The following EMSY variants were observed in gnomAD, a reference collection of about 807,000 sequenced individuals.
EMSY encodes BRCA2-interacting transcriptional repressor EMSY.
A neutral mutation model predicts 134.6 loss-of-function variants in EMSY; 26 were observed. That is an observed-to-expected ratio of 0.19 (90% CI 0.14 to 0.27). The LOEUF (loss-of-function observed/expected upper bound fraction) is 0.27, where lower values mean the gene tolerates loss of function less well. Ranked by LOEUF, EMSY falls within the 10% of genes least tolerant of loss-of-function variation. EMSY has a pLI of 1.00. For missense variants in EMSY, 1,305 were observed against 1,611.4 expected, an observed-to-expected ratio of 0.81 and a Z score of 3.26; for synonymous variants, 579 against 577.8, an observed-to-expected ratio of 1.00 and a Z score of -0.03.
intron 6 of EMSY, among the ~76,000 whole-genome samples, 192 bp from the exon 8 acceptor site, chr11:76,463,629 C>CA (rs567081751): frequency 0.18 from 17,186 of 94,284 alleles, 1,890 homozygotes; most frequent in African/African-American, 0.33. Context: ...GACTCCGTCT[C>CA]AAAAAAAAAA....
exon 21 of EMSY, chr11:76,550,953 C>T (rs878972173): frequency 4.6e-5 from 7 of 152,672 alleles, no homozygotes; most frequent in East Asian, 1.9e-4. Context: ...TGTTTCATTG[C>T]GAAGCAGAGG....
At chr11:76,530,347 G>T (rs368596568) in intron 14 of EMSY, among the ~76,000 whole-genome samples, 4 of 151,876 alleles carry the variant, frequency 2.6e-5, no homozygotes, top group African/African-American at 9.7e-5. Flanking sequence ...TTTTAGTAGC[G>T]ACGGGGTTTC....
intron 17 of EMSY, among the ~76,000 whole-genome samples, chr11:76,541,899 G>A (rs1280298843): frequency 6.6e-6 from 1 of 152,172 alleles, no homozygotes. Context: ...GCTCATGGGA[G>A]GATGCAACTT....
At chr11:76,484,506 A>G (rs1949103719) in intron 8 of EMSY, among the ~76,000 whole-genome samples, 1 of 152,256 alleles carries the variant, frequency 6.6e-6, no homozygotes, top group Non-Finnish European at 1.5e-5. Context: ...ACTGCTAGCC[A>G]GTCTAATAAA....
exon 2 of EMSY, chr11:76,446,978 G>A (rs2134678437): frequency 1.9e-6 from 3 of 1,613,618 alleles, no homozygotes; most frequent in Non-Finnish European, 2.5e-6. Flanking sequence ...TCTCAGCAGG[G>A]ATGAATGCAA....
At chr11:76,463,548 G>C (rs966036994) in intron 6 of EMSY, among the ~76,000 whole-genome samples, 1 of 151,504 alleles carries the variant, frequency 6.6e-6, no homozygotes, top group Non-Finnish European at 1.5e-5. Flanking sequence ...GCGTGAACCC[G>C]GGAAGCGGAG....
At chr11:76,532,235 G>T (rs1437810473) in intron 14 of EMSY, among the ~76,000 whole-genome samples, 4 of 152,064 alleles carry the variant, frequency 2.6e-5, no homozygotes, top group African/African-American at 7.2e-5. Flanking sequence ...GGACTGAGAA[G>T]GTACTCAGTA....
intron 17 of EMSY, among the ~76,000 whole-genome samples, chr11:76,539,888 A>G (rs759796274): frequency 1.3e-4 from 20 of 152,222 alleles, no homozygotes; most frequent in Non-Finnish European, 2.6e-4. Context: ...TATATGGCCC[A>G]GTTAAGGTCA....
In EMSY at chr11:76,524,417, A is replaced by G. The variant is rs1311120906; in HGVS notation, c.1821+1126A>G. Among the ~76,000 whole-genome samples, 4 of 152,326 alleles carry G rather than the reference A, an allele frequency of 2.6e-5. No homozygotes were observed. The East Asian group carries it at 5.8e-4, about 22-fold the overall frequency. On this transcript the variant is annotated intron_variant, in intron 12 of 20. Coordinates refer to ENST00000334736, the Ensembl canonical transcript of EMSY. ...ATGGATTGCTATACTTCACTTAAAT[A>G]GATCTCATAAAAGCTTCATTGGTAG...
intron 4 of EMSY, 99 bp from the exon 6 acceptor site, chr11:76,458,084 C>G: frequency 1.7e-6 from 2 of 1,174,062 alleles, no homozygotes; most frequent in Non-Finnish European, 2.3e-6. Context: ...ACTCAGGGCA[C>G]TTTTTATAAT....
At chr11:76,530,824 G>T (rs1258801486) in intron 14 of EMSY, among the ~76,000 whole-genome samples, 1 of 152,160 alleles carries the variant, frequency 6.6e-6, no homozygotes, top group East Asian at 1.9e-4. Context: ...GATTTTCAAA[G>T]TATATGAGAA....
chr11:76,494,499 G>A (rs542407879), intron 8 of EMSY, among the ~76,000 whole-genome samples: 1 of 152,266 alleles, frequency 6.6e-6, no homozygotes, highest in African/African-American at 2.4e-5. Context: ...AGGCTCCAGA[G>A]ATAGTCTAGT....
chr11:76,493,032 G>A (rs533026123), intron 8 of EMSY, among the ~76,000 whole-genome samples: 2 of 152,072 alleles, frequency 1.3e-5, no homozygotes, highest in Admixed American at 1.3e-4. Context: ...CGCAGACCTG[G>A]GCATCCGTGT....
intron 15 of EMSY, among the ~76,000 whole-genome samples, chr11:76,537,106 A>G (rs545266695): frequency 5.3e-5 from 8 of 152,296 alleles, no homozygotes; most frequent in African/African-American, 1.7e-4. Flanking sequence ...TGTCGTTGAC[A>G]TGCTGAGCCA....
intron 8 of EMSY, among the ~76,000 whole-genome samples, chr11:76,488,026 C>A (rs1262147832): frequency 6.6e-6 from 1 of 152,182 alleles, no homozygotes; most frequent in African/African-American, 2.4e-5. Context: ...TCATATTTCT[C>A]TAAGGCTCGT....
intron 20 of EMSY, among the ~76,000 whole-genome samples, chr11:76,549,208 C>T (rs926343885): frequency 1.3e-5 from 2 of 152,072 alleles, no homozygotes; most frequent in Admixed American, 1.3e-4. Flanking sequence ...AAGAATATTC[C>T]AGGAAGAGAG....
intron 8 of EMSY, among the ~76,000 whole-genome samples, chr11:76,474,527 G>C (rs1284401890): frequency 6.6e-6 from 1 of 152,138 alleles, no homozygotes; most frequent in African/African-American, 2.4e-5. Context: ...GTAACTGTTA[G>C]CAAGGAAGGG....
chr11:76,511,566 G>T (rs1950277478), intron 9 of EMSY, among the ~76,000 whole-genome samples: 1 of 152,030 alleles, frequency 6.6e-6, no homozygotes, highest in African/African-American at 2.4e-5. Context: ...CGGGCATGAT[G>T]ACAGGCCCCT....
At chr11:76,472,200 A>C (rs1590826087) in intron 7 of EMSY, among the ~76,000 whole-genome samples, 1 of 152,230 alleles carries the variant, frequency 6.6e-6, no homozygotes, top group Admixed American at 6.5e-5. Context: ...GTCTAGAACC[A>C]TGCCTGGCAC....
Sources: gnomAD v4.1 joint callset for allele counts (sites outside exome capture counted in the v4.1 genomes callset) on GRCh38, gnomAD v4.1.1 for gene constraint, MANE v1.5 for transcripts, NCBI Gene and HGNC (gene_info 2026-07-23, HGNC 2026-07-21) for gene names.